DACH2: variants seen among roughly 807,000 people sequenced by gnomAD.
DACH2 encodes dachshund family transcription factor 2, also known as dachshund homolog 2.
In DACH2, 17 loss-of-function variants were observed where a neutral mutation model predicts 35.8. The ratio of observed to expected loss-of-function variants is 0.48; its 90% CI spans 0.33 to 0.71. The LOEUF (loss-of-function observed/expected upper bound fraction) is 0.71. Ranked by LOEUF, DACH2 falls within the 30% of genes least tolerant of loss-of-function variation. DACH2 has a pLI of 0.02. For synonymous variants in DACH2, 195 were observed against 177.3 expected (o/e 1.10, Z -0.79); for missense variants, 469 against 472.7 (o/e 0.99, Z 0.07).
At chrX:86,389,420 ATAAT>A (rs1276261630) in intron 2 of DACH2, among the ~76,000 whole-genome samples, 2 of 112,538 alleles carry the variant, frequency 1.8e-5, no homozygotes, top group South Asian at 3.6e-4. Context: ...AACTGCAAAA[ATAAT>A]TAGTGACATT....
intron 1 of DACH2, among the ~76,000 whole-genome samples, chrX:86,285,589 T>C (rs2034127586): frequency 8.9e-6 from 1 of 111,776 alleles, no homozygotes; most frequent in Non-Finnish European, 1.9e-5. Flanking sequence ...AGATATGGTC[T>C]TTTTTTTACA....
chrX:86,702,557 AT>A (rs1459101417), intron 5 of DACH2, among the ~76,000 whole-genome samples: 9 of 111,905 alleles, frequency 8.0e-5, no homozygotes, highest in African/African-American at 2.9e-4. Context: ...AAGAGAGATG[AT>A]TCAAATAAGC....
intron 1 of DACH2, among the ~76,000 whole-genome samples, chrX:86,320,635 G>A (rs1569347390): frequency 1.8e-5 from 2 of 112,322 alleles, no homozygotes; most frequent in Non-Finnish European, 3.8e-5. Context: ...GTGGCCTCTG[G>A]CACCAGCAAA....
At chrX:86,519,830 T>A (rs1238231844) in intron 3 of DACH2, among the ~76,000 whole-genome samples, 1 of 107,768 alleles carries the variant, frequency 9.3e-6, no homozygotes, top group Non-Finnish European at 1.9e-5. Context: ...TTTTATTAAA[T>A]TTTTCAAAAA....
intron 2 of DACH2, among the ~76,000 whole-genome samples, chrX:86,391,471 A>C: frequency 9.1e-6 from 1 of 110,346 alleles, no homozygotes; most frequent in Admixed American, 9.8e-5. Flanking sequence ...TAAAATACTG[A>C]AACTACCACA....
chrX:86,376,054 T>C (rs2035961643), intron 1 of DACH2, among the ~76,000 whole-genome samples: 1 of 110,214 alleles, frequency 9.1e-6, no homozygotes, highest in South Asian at 3.8e-4. Context: ...AATTATTATT[T>C]TGTTAACAAG....
At chrX:86,393,746 G>A (rs2036237304) in intron 2 of DACH2, among the ~76,000 whole-genome samples, 1 of 111,129 alleles carries the variant, frequency 9.0e-6, no homozygotes, top group African/African-American at 3.3e-5. Context: ...GCTAGAAATA[G>A]AGTTTAATTT....
intron 1 of DACH2, among the ~76,000 whole-genome samples, chrX:86,309,956 A>G (rs1459282597): frequency 2.6e-4 from 29 of 112,361 alleles, no homozygotes; most frequent in Non-Finnish European, 7.5e-5. Context: ...GACCTAGCAG[A>G]TCCAATGGTG....
chrX:86,805,203 C>T (rs950692790), intron 7 of DACH2, among the ~76,000 whole-genome samples: 1 of 113,136 alleles, frequency 8.8e-6, no homozygotes, highest in Non-Finnish European at 1.9e-5. Context: ...TCCCAAGCCT[C>T]AGCTCTTGCA....
At chrX:86,532,249 G>A (rs1160603203) in intron 3 of DACH2, among the ~76,000 whole-genome samples, 3 of 111,955 alleles carry the variant, frequency 2.7e-5, no homozygotes, top group African/African-American at 9.7e-5. Context: ...GTACTGTTGG[G>A]AAGGCATGAT....
At chrX:86,346,038 A>C (rs2035490912) in intron 1 of DACH2, among the ~76,000 whole-genome samples, 1 of 112,073 alleles carries the variant, frequency 8.9e-6, no homozygotes. Context: ...AACCTTGTTT[A>C]CATTTTTTAA....
intron 2 of DACH2, among the ~76,000 whole-genome samples, chrX:86,382,685 C>A (rs2148110438): frequency 9.0e-6 from 1 of 110,885 alleles, no homozygotes; most frequent in South Asian, 3.7e-4. Context: ...AGAGACCTTT[C>A]TTTCTATAAG....
chrX:86,626,751 A>T (rs933252428), intron 3 of DACH2, among the ~76,000 whole-genome samples: 2 of 112,821 alleles, frequency 1.8e-5, no homozygotes, highest in African/African-American at 6.4e-5. Flanking sequence ...CAACAGCCTG[A>T]GCTGTATGTT....
chrX:86,627,111 A>T (rs192134872), intron 3 of DACH2, among the ~76,000 whole-genome samples: 2 of 112,148 alleles, frequency 1.8e-5, no homozygotes, highest in East Asian at 2.8e-4. Context: ...ATCCTTGTGA[A>T]TACATAAAAC....
chrX:86,614,313 A>G (rs2039980608), intron 3 of DACH2, among the ~76,000 whole-genome samples: 1 of 111,721 alleles, frequency 9.0e-6, no homozygotes, highest in Non-Finnish European at 1.9e-5. Context: ...AATGGGGAGT[A>G]GAATTTATTT....
chrX:86,806,349 T>A lies in DACH2; in HGVS notation c.1241-6507T>A, dbSNP rs773565988. On this transcript the variant is annotated intron_variant, in intron 7 of 11. Transcript: ENST00000373125. ...TACACTTTTAAATAACCAGATCTCT[T>A]CACTCACTCACTGTCTTGAGAACTC... is the stretch of plus-strand genomic sequence containing the variant. 2.7e-5 allele frequency among the ~76,000 whole-genome samples: 3 copies of A among 110,496 alleles called. No homozygotes were observed. In the Admixed American group the frequency reaches 2.9e-4, roughly 11 times the overall value.
At chrX:86,149,318 TA>T (rs1031363809) in intron 1 of DACH2, among the ~76,000 whole-genome samples, 3 of 112,295 alleles carry the variant, frequency 2.7e-5, no homozygotes, top group African/African-American at 9.7e-5. Context: ...GGCTTCGGTC[TA>T]AAAAAGTCCC....
At chrX:86,545,985 T>C (rs1487725993) in intron 3 of DACH2, among the ~76,000 whole-genome samples, 2 of 112,139 alleles carry the variant, frequency 1.8e-5, no homozygotes, top group African/African-American at 6.5e-5. Context: ...TACAAGGCTG[T>C]TGACCTAATT....
At chrX:86,345,783 A>G (rs946645280) in intron 1 of DACH2, among the ~76,000 whole-genome samples, 7 of 111,715 alleles carry the variant, frequency 6.3e-5, no homozygotes, top group African/African-American at 2.3e-4. Context: ...AGACGGCCTT[A>G]TCTTTATTAT....
Sources: gnomAD v4.1 joint callset for allele counts (sites outside exome capture counted in the v4.1 genomes callset) on GRCh38, gnomAD v4.1.1 for gene constraint, MANE v1.5 for transcripts, NCBI Gene and HGNC (gene_info 2026-07-23, HGNC 2026-07-21) for gene names.